The following MTUS1 variants were observed in gnomAD, a reference collection of about 807,000 sequenced individuals.
MTUS1 encodes microtubule associated scaffold protein 1.
Under a neutral mutation model 120.8 loss-of-function variants are expected in MTUS1, and 109 were observed. That is an observed-to-expected ratio of 0.90 (90% confidence interval 0.77 to 1.06). The LOEUF (loss-of-function observed/expected upper bound fraction) is 1.06, where lower values mean the gene tolerates loss of function less well. MTUS1 is among the 50% of genes least tolerant of loss of function. MTUS1 has a pLI of 0.00. For synonymous variants in MTUS1, 737 were observed against 550.5 expected (o/e 1.34, Z -4.74); for missense variants, 2,210 against 1,486.3 (o/e 1.49, Z -8.01).
intron 6 of MTUS1, among the ~76,000 whole-genome samples, chr8:17,686,940 C>T (rs1466166756): frequency 1.3e-5 from 2 of 152,034 alleles, no homozygotes; most frequent in Non-Finnish European, 2.9e-5. Flanking sequence ...TTTTAACAGA[C>T]AGTTAAAGTG....
At chr8:17,720,036 C>T (rs1230175219) in intron 4 of MTUS1, among the ~76,000 whole-genome samples, 1 of 152,154 alleles carries the variant, frequency 6.6e-6, no homozygotes, top group Non-Finnish European at 1.5e-5. Context: ...TCCAACTTAA[C>T]ATGAGTTAGT....
intron 6 of MTUS1, among the ~76,000 whole-genome samples, chr8:17,702,300 T>G (rs1278223830): frequency 1.3e-5 from 2 of 152,240 alleles, no homozygotes; most frequent in Non-Finnish European, 2.9e-5. Flanking sequence ...TAACTCATAT[T>G]TGGTAAACAT....
At chr8:17,741,160 T>G (rs2047292360) in intron 3 of MTUS1, among the ~76,000 whole-genome samples, 1 of 152,094 alleles carries the variant, frequency 6.6e-6, no homozygotes, top group Non-Finnish European at 1.5e-5. Flanking sequence ...ATTACAAGCG[T>G]GAGCCACCAT....
At chr8:17,690,862 C>T (rs1816803621) in intron 6 of MTUS1, among the ~76,000 whole-genome samples, 1 of 152,088 alleles carries the variant, frequency 6.6e-6, no homozygotes, top group Non-Finnish European at 1.5e-5. Context: ...AAGATAAATA[C>T]AGAAATATGA....
chr8:17,787,836 T>C (rs1402318354), intron 1 of MTUS1, among the ~76,000 whole-genome samples: 1 of 152,126 alleles, frequency 6.6e-6, no homozygotes, highest in Non-Finnish European at 1.5e-5. Flanking sequence ...CACGAAGACT[T>C]TCTGGCTGGG....
chr8:17,738,517 T>C (rs1193377041), intron 3 of MTUS1, among the ~76,000 whole-genome samples: 1 of 152,228 alleles, frequency 6.6e-6, no homozygotes, highest in Non-Finnish European at 1.5e-5. Flanking sequence ...CATGAAGGAT[T>C]TACTCAGCAG....
At chr8:17,700,403 G>C (rs530697080) in intron 6 of MTUS1, among the ~76,000 whole-genome samples, 17 of 136,814 alleles carry the variant, frequency 1.2e-4, no homozygotes, top group East Asian at 6.4e-4. Context: ...CTGGGAGATG[G>C]AGGTTGCAAT....
At position 17,665,175 on chromosome 8, in the gene MTUS1, C is replaced by A. The variant is rs572990924; in HGVS notation, c.2906-9110G>T. Among the ~76,000 whole-genome samples, 3 of 152,312 alleles carry A rather than the reference C, an allele frequency of 2.0e-5. No homozygotes were observed. The East Asian group carries it at 5.8e-4, about 29-fold the overall frequency. Reference sequence around the variant, plus strand: ...TCAAATGACCAAGAAATTTTGCAGACAAGTGGTAGACCAGGTTCTTTTTCT... The same window carrying A: ...TCAAATGACCAAGAAATTTTGCAGAAAAGTGGTAGACCAGGTTCTTTTTCT... On this transcript the variant is annotated intron_variant, in intron 8 of 14. Transcript: ENST00000693296.
intron 6 of MTUS1, among the ~76,000 whole-genome samples, chr8:17,698,723 C>G (rs1275034698): frequency 1.3e-5 from 2 of 152,010 alleles, no homozygotes; most frequent in Non-Finnish European, 2.9e-5. Flanking sequence ...TCTCTTCCCT[C>G]AAGCCCCCTC....
At chr8:17,783,713 T>C (rs2051075168) in intron 1 of MTUS1, among the ~76,000 whole-genome samples, 2 of 152,150 alleles carry the variant, frequency 1.3e-5, no homozygotes. Flanking sequence ...TGACAGCCTT[T>C]ACAATCACTG....
In MTUS1 at chr8:17,755,610, A is replaced by G; in HGVS notation, c.198T>C (p.Thr66=). 16 of 1,614,224 alleles carry G rather than the reference A, an allele frequency of 9.9e-6. No homozygotes were observed. Among genetic ancestry groups the G allele is most frequent in the Non-Finnish European group, 1.4e-5 (16 of 1,180,032 alleles). Residue 66 remains threonine, a synonymous_variant, in exon 2 of 15, where the codon ACT becomes ACC. Transcript: ENST00000693296. ...GAAGGCTTAAAGAAATATTTTCACC[A>G]GTAACTACAGCAGGGTCAGTTTCAT... The part of the protein sequence containing the change: ...VDYETDPAVV[T]GENISLSLQG...
chr8:17,760,462 A>G (rs2048957408), intron 1 of MTUS1, among the ~76,000 whole-genome samples: 1 of 152,202 alleles, frequency 6.6e-6, no homozygotes, highest in African/African-American at 2.4e-5. Context: ...TCATGAAAAG[A>G]AAACAATGGC....
In MTUS1 at chr8:17,754,336, C is replaced by T; in HGVS notation, c.1472G>A (p.Gly491Asp). 2 of 1,613,998 alleles carry T rather than the reference C, an allele frequency of 1.2e-6. No homozygotes were observed. The highest frequency in any genetic ancestry group is 1.7e-6 in the Non-Finnish European group (2 of 1,180,018). Residue 491 changes from glycine (G) to aspartate (D), a missense_variant, in exon 2 of 15, where the codon GGC (glycine) becomes GAC (aspartate). Transcript: ENST00000693296. Reference protein sequence around the residue: ...KSTIKTNTPIGCKVRKTEIIS... With the variant: ...KSTIKTNTPIDCKVRKTEIIS... ...AATTTCAGTTTTTCTAACTTTGCAG[C>T]CTATTGGGGTATTCGTTTTGATTGT...
chr8:17,698,443 G>T (rs415088), intron 6 of MTUS1, among the ~76,000 whole-genome samples: 4 of 152,022 alleles, frequency 2.6e-5, no homozygotes, highest in African/African-American at 7.2e-5. Flanking sequence ...ACAACAATAT[G>T]CCCACTTAAG....
At chr8:17,758,613 G>C (rs2048803634) in intron 1 of MTUS1, among the ~76,000 whole-genome samples, 1 of 152,106 alleles carries the variant, frequency 6.6e-6, no homozygotes, top group African/African-American at 2.4e-5. Context: ...TTACATGCAG[G>C]GGATATAATT....
At chr8:17,742,326 G>C (rs1274765697) in intron 3 of MTUS1, among the ~76,000 whole-genome samples, 2 of 108,138 alleles carry the variant, frequency 1.8e-5, no homozygotes, top group Non-Finnish European at 3.5e-5. Flanking sequence ...ATAGTGTCTT[G>C]CTATGTTGCC....
At chr8:17,647,546 C>G (rs1329483144) in intron 13 of MTUS1, among the ~76,000 whole-genome samples, 2 of 152,040 alleles carry the variant, frequency 1.3e-5, no homozygotes, top group Non-Finnish European at 2.9e-5. Flanking sequence ...TGGACTTGAA[C>G]TCAGTTTCAT....
chr8:17,682,013 C>T (rs879035627), intron 7 of MTUS1, among the ~76,000 whole-genome samples: 1 of 152,010 alleles, frequency 6.6e-6, no homozygotes, highest in Non-Finnish European at 1.5e-5. Flanking sequence ...GTACACTTAC[C>T]ACACATCTCA....
chr8:17,695,092 A>G lies in MTUS1; in HGVS notation c.2624-10550T>C, dbSNP rs188493022. Among the ~76,000 whole-genome samples the G allele has an allele frequency of 7.2e-5, 11 of 152,324 alleles. No homozygotes were observed. In the East Asian group the frequency reaches 1.2e-3, roughly 16 times the overall value. ...AAGTTACTGCTGACAGTCCATTCAG[A>G]TAAGAGTCACCATGACGGCATGAAT... On this transcript the variant is annotated intron_variant, in intron 6 of 14. Coordinates refer to ENST00000693296, the MANE Select transcript of MTUS1 (RefSeq NM_001363059.2).
Sources: allele counts gnomAD v4.1 joint callset (sites outside exome capture counted in the v4.1 genomes callset), GRCh38; gene constraint gnomAD v4.1.1; transcripts MANE v1.5; gene names NCBI Gene and HGNC (gene_info 2026-07-23, HGNC 2026-07-21).